Variants in LRRTM4 observed in about 807,000 individuals in gnomAD.
LRRTM4 encodes the protein leucine rich repeat transmembrane neuronal 4.
Under a neutral mutation model 47.6 loss-of-function variants are expected in LRRTM4, and 25 were observed. That is an observed-to-expected ratio of 0.53 (90% CI 0.38 to 0.73). The LOEUF (loss-of-function observed/expected upper bound fraction) is 0.73, where lower values mean the gene tolerates loss of function less well. LRRTM4 is among the 30% of genes least tolerant of loss of function. The probability of loss-of-function intolerance (pLI) is 0.00; values close to 1 mark genes in which losing one functional copy is unlikely to be tolerated. For synonymous variants in LRRTM4, 311 were observed against 269.5 expected (o/e 1.15, Z -1.51); for missense variants, 638 against 713.4 (o/e 0.89, Z 1.20).
intron 3 of LRRTM4, among the ~76,000 whole-genome samples, chr2:77,039,616 T>C (rs1389593537): frequency 1.3e-5 from 2 of 151,280 alleles, no homozygotes; most frequent in Admixed American, 6.6e-5. Flanking sequence ...TATTTTACAA[T>C]GATGAAAAAA....
At chr2:76,928,572 C>A (rs1180670135) in intron 3 of LRRTM4, among the ~76,000 whole-genome samples, 1 of 152,020 alleles carries the variant, frequency 6.6e-6, no homozygotes, top group Admixed American at 6.6e-5. Context: ...TAAAGGCAGT[C>A]GTGCCTTAAA....
At chr2:76,895,696 G>A (rs779899874) in intron 3 of LRRTM4, among the ~76,000 whole-genome samples, 6 of 152,078 alleles carry the variant, frequency 3.9e-5, no homozygotes, top group African/African-American at 1.4e-4. Context: ...TCACGCCATC[G>A]GAATGGAATG....
At chr2:77,063,033 C>A (rs1679841175) in intron 3 of LRRTM4, among the ~76,000 whole-genome samples, 1 of 150,120 alleles carries the variant, frequency 6.7e-6, no homozygotes, top group African/African-American at 2.5e-5. Flanking sequence ...CGGCTCACTG[C>A]AACCTCCACC....
chr2:77,189,110 T>TA lies in LRRTM4; in HGVS notation c.1551+329207dup, dbSNP rs143237081. On this transcript the variant is annotated intron_variant, in intron 3 of 3. Coordinates refer to ENST00000409884, the MANE Select transcript of LRRTM4 (RefSeq NM_001134745.3). ...CTCTCTATAGCAAACAAATTTCAAA[T>TA]AAAAAAAAAACTTTTGATCAAATGA... 2.5e-3 allele frequency among the ~76,000 whole-genome samples: 367 copies of TA among 148,116 alleles called. 1 individual carries two copies. Among genetic ancestry groups the TA allele is most frequent in the South Asian group, 7.9e-3 (37 of 4,712 alleles).
intron 3 of LRRTM4, among the ~76,000 whole-genome samples, chr2:77,037,389 T>C (rs966575560): frequency 6.6e-6 from 1 of 151,794 alleles, no homozygotes; most frequent in Non-Finnish European, 1.5e-5. Context: ...GTCACCACAA[T>C]CTCTGTGGGT....
chr2:76,779,232 ATT>A (rs1674208721), intron 3 of LRRTM4, among the ~76,000 whole-genome samples: 1 of 152,040 alleles, frequency 6.6e-6, no homozygotes, highest in African/African-American at 2.4e-5. Flanking sequence ...AAAAATGTAT[ATT>A]GTGTTGATTT....
intron 3 of LRRTM4, among the ~76,000 whole-genome samples, chr2:76,895,210 T>C (rs2103725541): frequency 6.6e-6 from 1 of 152,174 alleles, no homozygotes; most frequent in Middle Eastern, 3.4e-3. Context: ...TAATTCTATT[T>C]ATACAAAACT....
At chr2:77,495,417 TTTG>T (rs1678323992) in intron 3 of LRRTM4, among the ~76,000 whole-genome samples, 1 of 152,076 alleles carries the variant, frequency 6.6e-6, no homozygotes, top group South Asian at 2.1e-4. Context: ...AGTTTATCGC[TTTG>T]TTGTTTTATG....
intron 3 of LRRTM4, among the ~76,000 whole-genome samples, chr2:76,917,114 C>T (rs1385057042): frequency 6.6e-6 from 1 of 152,138 alleles, no homozygotes; most frequent in African/African-American, 2.4e-5. Flanking sequence ...GTGTTTTAGA[C>T]ATTGTGAATT....
At chr2:76,871,391 A>G (rs920314075) in intron 3 of LRRTM4, among the ~76,000 whole-genome samples, 1 of 152,206 alleles carries the variant, frequency 6.6e-6, no homozygotes, top group African/African-American at 2.4e-5. Context: ...AATCTAAAGT[A>G]TAGACCACAG....
At chr2:77,296,307 T>C (rs985103383) in intron 3 of LRRTM4, among the ~76,000 whole-genome samples, 27 of 152,328 alleles carry the variant, frequency 1.8e-4, no homozygotes, top group African/African-American at 6.3e-4. Flanking sequence ...ATTTCTAAAG[T>C]ATCAATGACA....
At chr2:77,278,414 T>C (rs1676420425) in intron 3 of LRRTM4, among the ~76,000 whole-genome samples, 2 of 152,016 alleles carry the variant, frequency 1.3e-5, no homozygotes, top group East Asian at 1.9e-4. Flanking sequence ...AAATTCACCA[T>C]ACTTATGTCC....
rs557449557 is a variant in LRRTM4, at chr2:76,929,843, T to C, written c.1552-180927A>G. 1.0e-3 allele frequency among the ~76,000 whole-genome samples: 157 copies of C among 152,234 alleles called. 3 individuals are homozygous for C. The highest frequency in any genetic ancestry group is 3.6e-3 in the African/African-American group (149 of 41,540). On this transcript the variant is annotated intron_variant, in intron 3 of 3. Coordinates refer to ENST00000409884, the MANE Select transcript of LRRTM4 (RefSeq NM_001134745.3). Reference sequence around the variant, plus strand: ...TCATCTATCCTATCTTTGTAGCATGTTTTTAGAATATAAATATTTTTAAAA... The same window carrying C: ...TCATCTATCCTATCTTTGTAGCATGCTTTTAGAATATAAATATTTTTAAAA...
At chr2:77,075,124 A>ACAGCTCAC (rs1680289363) in intron 3 of LRRTM4, among the ~76,000 whole-genome samples, 1 of 152,204 alleles carries the variant, frequency 6.6e-6, no homozygotes, top group South Asian at 2.1e-4. Flanking sequence ...CATAGTAGAT[A>ACAGCTCAC]ATATGTGAGC....
At chr2:76,942,676 C>CAG (rs140227592) in intron 3 of LRRTM4, among the ~76,000 whole-genome samples, 40 of 148,314 alleles carry the variant, frequency 2.7e-4, no homozygotes, top group East Asian at 1.8e-3. Context: ...CTCTAGGAAT[C>CAG]TGTGTGTGTG....
chr2:76,918,825 T>A (rs1674339042), intron 3 of LRRTM4, among the ~76,000 whole-genome samples: 1 of 152,162 alleles, frequency 6.6e-6, no homozygotes, highest in South Asian at 2.1e-4. Context: ...AAGATTTCCC[T>A]CTGTTAAGAG....
chr2:77,116,137 A>G (rs951761381), intron 3 of LRRTM4, among the ~76,000 whole-genome samples: 1 of 152,122 alleles, frequency 6.6e-6, no homozygotes, highest in African/African-American at 2.4e-5. Flanking sequence ...TTGTAGTGTC[A>G]ACGTTTAGGA....
intron 3 of LRRTM4, among the ~76,000 whole-genome samples, chr2:77,239,577 A>G (rs1395633115): frequency 3.3e-5 from 5 of 151,946 alleles, no homozygotes; most frequent in Admixed American, 2.6e-4. Flanking sequence ...ATAGGTTCAA[A>G]GCAAAAAATA....
At chr2:76,781,566 G>T (rs1412696238) in intron 3 of LRRTM4, among the ~76,000 whole-genome samples, 1 of 152,242 alleles carries the variant, frequency 6.6e-6, no homozygotes, top group Admixed American at 6.5e-5. Flanking sequence ...GGAACTCCGT[G>T]ACCCCTTGCG....
Sources: allele counts gnomAD v4.1 joint callset (sites outside exome capture counted in the v4.1 genomes callset), GRCh38; gene constraint gnomAD v4.1.1; transcripts MANE v1.5; gene names NCBI Gene and HGNC (gene_info 2026-07-23, HGNC 2026-07-21).